UPF1: variants seen among roughly 807,000 people sequenced by gnomAD.
The protein encoded by UPF1 is UPF1 RNA helicase and ATPase, also known as regulator of nonsense transcripts 1.
A neutral mutation model predicts 129.2 loss-of-function variants in UPF1; 9 were observed. The ratio of observed to expected loss-of-function variants is 0.07; its 90% CI spans 0.04 to 0.12. UPF1 has a LOEUF of 0.12. Among genes scored for constraint, UPF1 ranks in the 10% least tolerant of loss-of-function variants. The pLI is 1.00. For missense variants in UPF1, 788 were observed against 1,525.3 expected (o/e 0.52, Z 8.05); for synonymous variants, 649 against 644.9 (o/e 1.01, Z -0.10).
At chr19:18,854,096 G>A (rs1348142077) in intron 8 of UPF1, among the ~76,000 whole-genome samples, 1 of 152,244 alleles carries the variant, frequency 6.6e-6, no homozygotes, top group Non-Finnish European at 1.5e-5. Context: ...CCTCCTGGAG[G>A]GCAGTTTGCT....
intron 5 of UPF1, 27 bp from the exon 6 acceptor site, chr19:18,852,108 G>T (rs369434366): frequency 2.5e-6 from 4 of 1,581,186 alleles, no homozygotes; most frequent in East Asian, 2.3e-5. Context: ...AACAGGACGA[G>T]TGTGGCGCGG....
chr19:18,845,784 G>T (rs577689121), intron 1 of UPF1, among the ~76,000 whole-genome samples, 196 bp from the exon 2 acceptor site: 32 of 152,218 alleles, frequency 2.1e-4, no homozygotes, highest in Non-Finnish European at 3.7e-4. Context: ...GGACCGGGGG[G>T]TGTAGAAGGC....
chr19:18,866,411 CAG>C (rs1297015582), intron 23 of UPF1, 108 bp from the exon 24 acceptor site: 1 of 504,098 alleles, frequency 2.0e-6, no homozygotes, highest in South Asian at 2.9e-5. Context: ...GTTTCCTCAT[CAG>C]AGTCGGGGAG....
chr19:18,832,075 G>C lies in UPF1; in HGVS notation c.-135G>C. On this transcript the variant is annotated 5_prime_UTR_variant, in exon 1 of 24. Transcript: ENST00000262803. This position sits in a 1 kb window ranked among gnomAD's most constrained non-coding sequence, Gnocchi z 5.6. ...TACCTCTCGGTCCGGCTGGCGCCGG[G>C]GCGCGCGGTTTGGTCCTTTCCGGGC... 1.2e-6 allele frequency: 1 copy of C among 802,752 alleles called. No homozygotes were observed. Among genetic ancestry groups the C allele is most frequent in the Non-Finnish European group, 1.7e-6 (1 of 588,398 alleles). The allele number at this position is 802,752 out of a possible 1,614,324, so 49.7% of individuals were successfully genotyped here.
Position 18,865,783 on chromosome 19 carries a change from G to T in UPF1, c.3237+5G>T, listed in dbSNP as rs760264556. 3.3e-5 allele frequency: 54 copies of T among 1,612,352 alleles called. No homozygotes were observed. The highest frequency in any genetic ancestry group is 4.6e-5 in the Non-Finnish European group (54 of 1,179,910). On this transcript the variant is annotated splice_donor_5th_base_variant and intron_variant, in intron 22 of 23. Coordinates refer to ENST00000262803, the MANE Select transcript of UPF1 (RefSeq NM_002911.4). The surrounding 1 kb of genome is among the most constrained non-coding windows in gnomAD (Gnocchi z 6.1). ...TCCCAGCCGGAGCTGTCCCAGGTGA[G>T]CCCGCCCCTGGGACGGGACTTACCT...
intron 6 of UPF1, 108 bp from the exon 7 acceptor site, chr19:18,852,879 C>T (rs538567242): frequency 5.3e-5 from 48 of 902,462 alleles, no homozygotes; most frequent in Non-Finnish European, 8.0e-5. Flanking sequence ...CCTGCTCTCA[C>T]GGCAGAGGCT....
chr19:18,834,277 A>G (rs960473588), intron 1 of UPF1, among the ~76,000 whole-genome samples: 5 of 152,226 alleles, frequency 3.3e-5, no homozygotes, highest in African/African-American at 1.2e-4. Context: ...TGAGCGTGAC[A>G]GCGCGGATCG....
chr19:18,864,600 T>C (rs1333075070), intron 20 of UPF1, among the ~76,000 whole-genome samples: 1 of 152,178 alleles, frequency 6.6e-6, no homozygotes, highest in Non-Finnish European at 1.5e-5. Flanking sequence ...TTTTCTTTTT[T>C]TTGTTTAGAG....
chr19:18,854,121 C>G lies in UPF1; in HGVS notation c.1157-480C>G, dbSNP rs1273589472. 2.0e-5 allele frequency among the ~76,000 whole-genome samples: 3 copies of G among 152,190 alleles called. No homozygotes were observed. In the East Asian group the frequency reaches 5.8e-4, roughly 29 times the overall value. On this transcript the variant is annotated intron_variant, in intron 8 of 23. Coordinates refer to ENST00000262803, the MANE Select transcript of UPF1 (RefSeq NM_002911.4). ...GGCAGTTTGCTTGTGTATGTGGAGC[C>G]TTTTGCTTGGCCGTACTGGGAGGGG...
intron 1 of UPF1, among the ~76,000 whole-genome samples, chr19:18,836,739 C>G (rs1299488485): frequency 6.6e-6 from 1 of 150,912 alleles, no homozygotes; most frequent in Non-Finnish European, 1.5e-5. Context: ...GGAGATACCA[C>G]TATCCACCCA....
chr19:18,860,781 G>A, intron 16 of UPF1, 45 bp from the exon 17 acceptor site: 1 of 1,606,294 alleles, frequency 6.2e-7, no homozygotes, highest in Non-Finnish European at 8.5e-7. Flanking sequence ...TCAGGGCTCG[G>A]GATCCCACAG....
chr19:18,842,551 GA>G (rs1186786522), intron 1 of UPF1, among the ~76,000 whole-genome samples: 2 of 152,158 alleles, frequency 1.3e-5, no homozygotes, highest in African/African-American at 4.8e-5. Flanking sequence ...TATCAGGGCA[GA>G]ATCCTTCCAG....
Position 18,852,305 on chromosome 19 carries a change from T to A in UPF1, c.972+9T>A. ...AGCTGAAGGAGTCCCAGGTGATGTG[T>A]GCGAGAGGGCTTGGCCTGGGGTGGG... is the stretch of plus-strand genomic sequence containing the variant. On this transcript the variant is annotated intron_variant, in intron 6 of 23. Coordinates refer to ENST00000262803, the MANE Select transcript of UPF1 (RefSeq NM_002911.4). The A allele has an allele frequency of 6.2e-7, 1 of 1,612,640 alleles. No homozygotes were observed. Among genetic ancestry groups the A allele is most frequent in the Non-Finnish European group, 8.5e-7 (1 of 1,179,304 alleles).
rs971863262 is a variant in UPF1 at position 18,851,762 on chromosome 19, G to A, written c.811-373G>A. 3.9e-5 allele frequency among the ~76,000 whole-genome samples: 6 copies of A among 152,238 alleles called. No individual in the cohort carries two copies. The East Asian group carries it at 7.7e-4, about 20-fold the overall frequency. On this transcript the variant is annotated intron_variant, in intron 5 of 23. Coordinates refer to ENST00000262803, the MANE Select transcript of UPF1 (RefSeq NM_002911.4). This position sits in a 1 kb window ranked among gnomAD's most constrained non-coding sequence, Gnocchi z 4.2. ...CCTGCGAGGCGGGTTAGCTGCTCTC[G>A]TTCACAAGCTGGGCATACTTGGAGG...
At position 18,851,586 on chromosome 19, in the gene UPF1, C is replaced by G. The variant is rs2055659265; in HGVS notation, c.811-549C>G. Among the ~76,000 whole-genome samples the G allele has an allele frequency of 6.6e-6, 1 of 152,230 alleles. No individual in the cohort carries two copies. The highest frequency in any genetic ancestry group is 2.1e-4 in the South Asian group (1 of 4,838). ...ATATCTGAACAGCCCAGAAAATGTCCTGTCCCCACCAGCATGGCACTCACT... is the reference window on the plus strand; with the variant it reads ...ATATCTGAACAGCCCAGAAAATGTCGTGTCCCCACCAGCATGGCACTCACT... On this transcript the variant is annotated intron_variant, in intron 5 of 23. Coordinates refer to ENST00000262803, the MANE Select transcript of UPF1 (RefSeq NM_002911.4). This position sits in a 1 kb window ranked among gnomAD's most constrained non-coding sequence, Gnocchi z 4.2.
At chr19:18,864,132 T>C (rs1211525287) in intron 19 of UPF1, 38 bp from the exon 20 acceptor site, 1 of 1,587,382 alleles carries the variant, frequency 6.3e-7, no homozygotes, top group South Asian at 1.1e-5. Context: ...TTCCTTCTGT[T>C]GAGATGACAA....
chr19:18,863,390 G>A, intron 18 of UPF1, 48 bp from the exon 19 acceptor site: 1 of 1,593,760 alleles, frequency 6.3e-7, no homozygotes, highest in Non-Finnish European at 8.6e-7. Context: ...CGTCCTGTGA[G>A]ACGGGCAGCT....
intron 1 of UPF1, among the ~76,000 whole-genome samples, chr19:18,838,399 A>G (rs2055505613): frequency 1.3e-5 from 2 of 152,214 alleles, no homozygotes; most frequent in Admixed American, 1.3e-4. Flanking sequence ...CTGTAATCTC[A>G]GCACTTTGAG....
At chr19:18,863,713 A>AGGGCTCTCCTAGGGGTGGGT in intron 19 of UPF1, 101 bp downstream of exon 19, 11 of 998,650 alleles carry the variant, frequency 1.1e-5, no homozygotes, top group East Asian at 5.2e-5. Context: ...GAGCTGAGGG[A>AGGGCTCTCCTAGGGGTGGGT]GGGCTCTCCT....
Sources: gnomAD v4.1 joint callset for allele counts (sites outside exome capture counted in the v4.1 genomes callset) on GRCh38, gnomAD v4.1.1 for gene constraint, Gnocchi (gnomAD v3.1) non-coding constraint, MANE v1.5 for transcripts, NCBI Gene and HGNC (gene_info 2026-07-23, HGNC 2026-07-21) for gene names.